Variants in FRYL observed in about 807,000 individuals in gnomAD.
FRYL encodes the protein protein furry homolog-like.
FRYL carries 150 observed loss-of-function variants against 351.2 expected under a neutral mutation model. The ratio of observed to expected loss-of-function variants is 0.43; its 90% CI spans 0.37 to 0.49. The LOEUF is 0.49. FRYL is among the 20% of genes least tolerant of loss of function. The pLI, the probability that FRYL is intolerant of heterozygous loss-of-function variation, is 0.00. For missense variants in FRYL, 3,036 were observed against 3,619.3 expected (o/e 0.84, Z 4.13); for synonymous variants, 1,153 against 1,257.1 (o/e 0.92, Z 1.75).
At chr4:48,747,288 A>C (rs1772795316) in intron 1 of FRYL, among the ~76,000 whole-genome samples, 2 of 152,186 alleles carry the variant, frequency 1.3e-5, no homozygotes, top group South Asian at 4.1e-4. Flanking sequence ...TGATAAGGGG[A>C]AAAAATCAAC....
At chr4:48,718,815 C>T (rs985501739) in intron 1 of FRYL, among the ~76,000 whole-genome samples, 3 of 151,392 alleles carry the variant, frequency 2.0e-5, no homozygotes, top group African/African-American at 7.3e-5. Context: ...CTACATCTGA[C>T]CTACCTATTC....
At chr4:48,609,137 T>G in intron 8 of FRYL, 70 bp from the exon 9 acceptor site, 3 of 864,908 alleles carry the variant, frequency 3.5e-6, no homozygotes, top group African/African-American at 1.7e-5. Flanking sequence ...CTAATACATA[T>G]GAAAATTCCT....
chr4:48,658,747 C>CATAA lies in FRYL; in HGVS notation c.-80-24261_-80-24258dup, dbSNP rs10555415. On this transcript the variant is annotated intron_variant, in intron 3 of 63. Transcript: ENST00000358350. ...CCTGCCTGAGTGACAGTGAGACCTTCATAAATAAATAAATAAATAAATAAA... is the reference window on the plus strand; with the variant it reads ...CCTGCCTGAGTGACAGTGAGACCTTCATAAATAAATAAATAAATAAATAAATAAA... Among the ~76,000 whole-genome samples the CATAA allele has an allele frequency of 3.2e-4, 47 of 146,626 alleles. No individual in the cohort carries two copies. The Middle Eastern group carries it at 0.014, about 44-fold the overall frequency.
intron 1 of FRYL, among the ~76,000 whole-genome samples, chr4:48,757,467 T>C (rs1773915793): frequency 1.3e-5 from 2 of 152,050 alleles, no homozygotes; most frequent in Non-Finnish European, 2.9e-5. Flanking sequence ...GAGAACCAAA[T>C]CATGAGTGAA....
chr4:48,570,765 GAA>G, intron 27 of FRYL, 60 bp downstream of exon 27: 1 of 1,221,462 alleles, frequency 8.2e-7, no homozygotes, highest in Non-Finnish European at 1.2e-6. Flanking sequence ...TTTCATGAGC[GAA>G]AAGAGATTAC....
chr4:48,726,410 A>C (rs2149617240), intron 1 of FRYL, among the ~76,000 whole-genome samples: 1 of 152,268 alleles, frequency 6.6e-6, no homozygotes, highest in East Asian at 1.9e-4. Context: ...GGGCGGGTGC[A>C]GTGGCTCATG....
At chr4:48,581,720 G>T in intron 20 of FRYL, 115 bp from the exon 21 acceptor site, 1 of 788,392 alleles carries the variant, frequency 1.3e-6, no homozygotes, top group Non-Finnish European at 2.0e-6. Context: ...GTCTGCCTCA[G>T]CTCAAGCAAT....
At chr4:48,753,072 A>AT (rs1046485288) in intron 1 of FRYL, among the ~76,000 whole-genome samples, 2 of 152,220 alleles carry the variant, frequency 1.3e-5, no homozygotes, top group African/African-American at 2.4e-5. Flanking sequence ...GTGGAAAAAA[A>AT]CATGACATGA....
intron 2 of FRYL, among the ~76,000 whole-genome samples, chr4:48,708,431 C>A (rs1259305289): frequency 6.6e-6 from 1 of 152,142 alleles, no homozygotes; most frequent in African/African-American, 2.4e-5. Flanking sequence ...CATGCCACTG[C>A]ACTCCAGCCT....
intron 1 of FRYL, among the ~76,000 whole-genome samples, chr4:48,743,702 C>T (rs1237359599): frequency 6.6e-6 from 1 of 152,188 alleles, no homozygotes; most frequent in African/African-American, 2.4e-5. Context: ...GAGATTAACA[C>T]TTAAATCAGT....
chr4:48,679,805 TATG>T (rs1341034913), intron 3 of FRYL, among the ~76,000 whole-genome samples: 2 of 152,050 alleles, frequency 1.3e-5, no homozygotes, highest in East Asian at 3.8e-4. Context: ...TATGTACAAT[TATG>T]ATGTCAATTT....
At chr4:48,678,142 C>T (rs1764025381) in intron 3 of FRYL, among the ~76,000 whole-genome samples, 1 of 152,088 alleles carries the variant, frequency 6.6e-6, no homozygotes, top group Admixed American at 6.5e-5. Flanking sequence ...CCTGTAATCC[C>T]AGCACTTTGG....
chr4:48,520,155 G>T (rs1035263096), intron 55 of FRYL, among the ~76,000 whole-genome samples: 1 of 152,112 alleles, frequency 6.6e-6, no homozygotes, highest in South Asian at 2.1e-4. Flanking sequence ...GGCATCTACC[G>T]AAAGCACAAT....
intron 1 of FRYL, among the ~76,000 whole-genome samples, chr4:48,776,951 G>A (rs1776084483): frequency 6.6e-6 from 1 of 151,944 alleles, no homozygotes; most frequent in African/African-American, 2.4e-5. Context: ...TTACTGCACT[G>A]ACATACCCAC....
intron 1 of FRYL, among the ~76,000 whole-genome samples, chr4:48,734,672 A>T (rs1771104251): frequency 6.6e-6 from 1 of 152,238 alleles, no homozygotes; most frequent in Admixed American, 6.5e-5. Flanking sequence ...AATTAAAAGA[A>T]TAAAAATACG....
At chr4:48,526,157 A>G (rs1245181926) in intron 53 of FRYL, among the ~76,000 whole-genome samples, 1 of 152,234 alleles carries the variant, frequency 6.6e-6, no homozygotes, top group African/African-American at 2.4e-5. Context: ...ATGTATATGT[A>G]TATGAGAGCT....
chr4:48,659,297 G>A (rs1456780264), intron 3 of FRYL, among the ~76,000 whole-genome samples: 3 of 150,894 alleles, frequency 2.0e-5, no homozygotes, highest in African/African-American at 7.3e-5. Flanking sequence ...GTTGCAGGGA[G>A]CCAAGATCGC....
chr4:48,527,869 G>C (rs944596292), intron 52 of FRYL, 102 bp downstream of exon 52: 6 of 1,051,068 alleles, frequency 5.7e-6, no homozygotes, highest in Non-Finnish European at 8.3e-6. Flanking sequence ...AGTTAATACC[G>C]TAAGTAAGGT....
At chr4:48,721,081 A>C (rs1003534654) in intron 1 of FRYL, among the ~76,000 whole-genome samples, 1 of 152,220 alleles carries the variant, frequency 6.6e-6, no homozygotes, top group Admixed American at 6.5e-5. Context: ...CCAGAAGAAT[A>C]TACAATAATA....
Sources: allele counts gnomAD v4.1 joint callset (sites outside exome capture counted in the v4.1 genomes callset), GRCh38; gene constraint gnomAD v4.1.1; transcripts MANE v1.5; gene names NCBI Gene and HGNC (gene_info 2026-07-23, HGNC 2026-07-21).